The following COQ5 variants were observed in gnomAD, a reference collection of about 807,000 sequenced individuals.
COQ5 encodes coenzyme Q5, methyltransferase.
A neutral mutation model predicts 40.5 loss-of-function variants in COQ5; 27 were observed. The ratio of observed to expected loss-of-function variants is 0.67; its 90% CI spans 0.49 to 0.92. The LOEUF (loss-of-function observed/expected upper bound fraction) is 0.92. COQ5 is among the 40% of genes least tolerant of loss of function. The probability of loss-of-function intolerance (pLI) is 0.00; values close to 1 mark genes in which losing one functional copy is unlikely to be tolerated. For missense variants in COQ5, 409 were observed against 406.4 expected (o/e 1.01, Z -0.06); for synonymous variants, 141 against 150.0 (o/e 0.94, Z 0.44).
chr12:120,523,381 T>G (rs1869771732), intron 1 of COQ5: 2 of 370,562 alleles, frequency 5.4e-6, no homozygotes, highest in Non-Finnish European at 1.0e-5. Flanking sequence ...CGGGGTTTCT[T>G]GATACCATTT....
intron 3 of COQ5, among the ~76,000 whole-genome samples, chr12:120,510,590 A>G (rs1869085867): frequency 6.6e-6 from 1 of 152,206 alleles, no homozygotes; most frequent in Non-Finnish European, 1.5e-5. Flanking sequence ...CTGGAATTAC[A>G]GATGTGAGCC....
At chr12:120,508,763 C>T (rs986719021) in intron 4 of COQ5, among the ~76,000 whole-genome samples, 5 of 151,848 alleles carry the variant, frequency 3.3e-5, no homozygotes, top group South Asian at 4.2e-4. Context: ...TGGTGGCTCA[C>T]GACTGTAATC....
At chr12:120,526,115 T>C (rs1244876830) in intron 1 of COQ5, among the ~76,000 whole-genome samples, 1 of 152,180 alleles carries the variant, frequency 6.6e-6, no homozygotes, top group Non-Finnish European at 1.5e-5. Flanking sequence ...CAAATCACTA[T>C]GTAAATAACA....
intron 2 of COQ5, among the ~76,000 whole-genome samples, chr12:120,520,399 C>G (rs905455221): frequency 6.6e-6 from 1 of 151,748 alleles, no homozygotes; most frequent in South Asian, 2.1e-4. Context: ...GATCTCGGCT[C>G]ACTGCAACCT....
At chr12:120,520,709 G>A (rs1237686474) in intron 2 of COQ5, among the ~76,000 whole-genome samples, 1 of 151,874 alleles carries the variant, frequency 6.6e-6, no homozygotes, top group East Asian at 1.9e-4. Context: ...AACCTCAGGT[G>A]ATCCTCCCAA....
At chr12:120,525,997 T>C (rs1326132292) in intron 1 of COQ5, among the ~76,000 whole-genome samples, 2 of 152,126 alleles carry the variant, frequency 1.3e-5, no homozygotes, top group Non-Finnish European at 2.9e-5. Context: ...TATGCATGAA[T>C]TTCAGTTACT....
At chr12:120,522,174 C>T (rs1270511969) in intron 2 of COQ5, 40 bp downstream of exon 2, 2 of 1,611,424 alleles carry the variant, frequency 1.2e-6, no homozygotes, top group Non-Finnish European at 8.5e-7. Context: ...TTCTGTAAAA[C>T]ATGCTCAATG....
intron 4 of COQ5, among the ~76,000 whole-genome samples, chr12:120,505,332 T>G (rs1426911468): frequency 1.3e-5 from 2 of 152,172 alleles, no homozygotes; most frequent in African/African-American, 4.8e-5. Flanking sequence ...ACAGAAATGC[T>G]TCTACTGTGG....
chr12:120,518,027 G>A (rs961234323), intron 2 of COQ5, among the ~76,000 whole-genome samples: 8 of 151,936 alleles, frequency 5.3e-5, no homozygotes, highest in South Asian at 2.1e-4. Context: ...GGCTGGTCTC[G>A]AACTCTTGAC....
intron 3 of COQ5, among the ~76,000 whole-genome samples, 164 bp downstream of exon 3, chr12:120,516,403 T>A (rs1404888614): frequency 6.6e-6 from 1 of 152,076 alleles, no homozygotes; most frequent in Non-Finnish European, 1.5e-5. Context: ...ACATAATGCA[T>A]ATAACAGCAC....
intron 3 of COQ5, among the ~76,000 whole-genome samples, chr12:120,512,159 G>A (rs1163914272): frequency 3.9e-5 from 6 of 151,972 alleles, no homozygotes; most frequent in African/African-American, 7.3e-5. Context: ...GCAGTGAGCC[G>A]AGATCATGCC....
At chr12:120,522,648 C>T in intron 1 of COQ5, 1 of 654,628 alleles carries the variant, frequency 1.5e-6, no homozygotes, top group South Asian at 1.8e-5. Flanking sequence ...CTCACATTGG[C>T]AGACAGAGAT....
At chr12:120,523,892 C>A in intron 1 of COQ5, 2 of 399,334 alleles carry the variant, frequency 5.0e-6, no homozygotes, top group Non-Finnish European at 1.0e-5. Context: ...CACCTGTAAT[C>A]CCAGCTACTC....
At position 120,503,320 on chromosome 12, in the gene COQ5, A is replaced by G. The variant is rs1868715778; in HGVS notation, c.*464T>C. The stretch of plus-strand genomic sequence containing the variant: ...TTTACTGGTTCAGCACACAATTCTC[A>G]TGATCATTAATACTCTGACTTGGGC... On this transcript the variant is annotated 3_prime_UTR_variant, in exon 7 of 7. Coordinates refer to ENST00000288532, the MANE Select transcript of COQ5 (RefSeq NM_032314.4). The G allele has an allele frequency of 1.2e-5, 4 of 329,780 alleles. No homozygotes were observed. In the Admixed American group the frequency reaches 1.5e-4, roughly 13 times the overall value. 20.4% of individuals were successfully genotyped at this position (329,780 alleles called of 1,614,324 possible).
chr12:120,522,385 C>T (rs374948438), intron 1 of COQ5, 22 bp from the exon 2 acceptor site: 86 of 1,610,782 alleles, frequency 5.3e-5, no homozygotes, highest in Non-Finnish European at 6.7e-5. Context: ...GAAACACACA[C>T]AATAGTGCTA....
chr12:120,524,823 T>A (rs577606954), intron 1 of COQ5, among the ~76,000 whole-genome samples: 29 of 152,138 alleles, frequency 1.9e-4, no homozygotes, highest in South Asian at 1.7e-3. Flanking sequence ...CTTTTTTTTT[T>A]TTAAATTTTT....
At chr12:120,516,261 G>C (rs1282238789) in intron 3 of COQ5, among the ~76,000 whole-genome samples, 2 of 152,208 alleles carry the variant, frequency 1.3e-5, no homozygotes, top group Admixed American at 1.3e-4. Context: ...GCTGAGATCT[G>C]AAGATTCAAC....
chr12:120,529,109 G>A lies in COQ5; in HGVS notation c.33C>T (p.Ser11=), dbSNP rs1246328518. 1.2e-6 allele frequency: 2 copies of A among 1,614,054 alleles called. No homozygotes were observed. Among genetic ancestry groups the A allele is most frequent in the Non-Finnish European group, 1.7e-6 (2 of 1,179,980 alleles). MAAPGSCALW[S]YCGRGWSRAM... is the part of the protein sequence containing the mutation. The stretch of plus-strand genomic sequence containing the variant: ...CCCGCGACCACCCACGGCCGCAATA[G>A]CTCCATAGAGCACAGCTCCCGGGGG... The change falls in exon 1 of 7, where the codon AGC becomes AGT. Residue 11 remains serine (S), a synonymous_variant. Transcript: ENST00000288532.
chr12:120,519,692 G>T lies in COQ5; in HGVS notation c.352+2522C>A, dbSNP rs1325615140. 2.0e-5 allele frequency among the ~76,000 whole-genome samples: 3 copies of T among 152,076 alleles called. No homozygotes were observed. In the East Asian group the frequency reaches 5.8e-4, roughly 29 times the overall value. On this transcript the variant is annotated intron_variant, in intron 2 of 6. Coordinates refer to ENST00000288532, the MANE Select transcript of COQ5 (RefSeq NM_032314.4). ...TCAAGACCAGCCTGACCAACATGGAGAAACTCCGTCTCTACTAAAAATACA... is the reference window on the plus strand; with the variant it reads ...TCAAGACCAGCCTGACCAACATGGATAAACTCCGTCTCTACTAAAAATACA...
Sources: gnomAD v4.1 joint callset for allele counts (sites outside exome capture counted in the v4.1 genomes callset) on GRCh38, gnomAD v4.1.1 for gene constraint, MANE v1.5 for transcripts, NCBI Gene and HGNC (gene_info 2026-07-23, HGNC 2026-07-21) for gene names.